HNF4G: variants seen among roughly 807,000 people sequenced by gnomAD.
HNF4G encodes the protein hepatocyte nuclear factor 4-gamma.
Under a neutral mutation model 50.9 loss-of-function variants are expected in HNF4G, and 21 were observed. The ratio of observed to expected loss-of-function variants is 0.41; its 90% CI spans 0.29 to 0.59. The LOEUF (loss-of-function observed/expected upper bound fraction) is 0.59. HNF4G is among the 20% of genes least tolerant of loss of function. HNF4G has a pLI of 0.26. For synonymous variants in HNF4G, 198 were observed against 185.6 expected, an observed-to-expected ratio of 1.07 and a Z score of -0.54; for missense variants, 527 against 559.4, an observed-to-expected ratio of 0.94 and a Z score of 0.58.
chr8:75,444,364 C>G (rs1811368981), intron 1 of HNF4G, among the ~76,000 whole-genome samples: 1 of 151,648 alleles, frequency 6.6e-6, no homozygotes, highest in East Asian at 1.9e-4. Context: ...GAAGAAACTG[C>G]ATCAACTAAC....
chr8:75,429,577 A>G (rs192174519), intron 1 of HNF4G, among the ~76,000 whole-genome samples: 1 of 152,232 alleles, frequency 6.6e-6, no homozygotes, highest in Admixed American at 6.5e-5. Context: ...GTTAATTAAT[A>G]CTCACTTCTC....
chr8:75,547,915 A>G (rs940447137), intron 3 of HNF4G, among the ~76,000 whole-genome samples: 16 of 151,978 alleles, frequency 1.1e-4, no homozygotes, highest in African/African-American at 3.6e-4. Context: ...TCTCTCCACC[A>G]TTACATTGTC....
Position 75,414,212 on chromosome 8 carries a change from G to A in HNF4G, c.-144+6050G>A, listed in dbSNP as rs568429327. On this transcript the variant is annotated intron_variant, in intron 1 of 10. Transcript: ENST00000354370. ...CCAGGCAACCACCGATCTGATTTCC[G>A]TCATTAATGTTGCCTTTTCCAGGAT... 2.3e-4 allele frequency among the ~76,000 whole-genome samples: 35 copies of A among 151,906 alleles called. 1 individual carries two copies. Among genetic ancestry groups the A allele is most frequent in the African/African-American group, 6.8e-4 (28 of 41,410 alleles).
intron 2 of HNF4G, among the ~76,000 whole-genome samples, chr8:75,524,305 T>C (rs1806125511): frequency 6.6e-6 from 1 of 152,160 alleles, no homozygotes. Context: ...TTTCTTTGAA[T>C]TTGGGAGGCA....
At chr8:75,521,685 T>C (rs1806046377) in intron 2 of HNF4G, among the ~76,000 whole-genome samples, 1 of 152,228 alleles carries the variant, frequency 6.6e-6, no homozygotes, top group Non-Finnish European at 1.5e-5. Flanking sequence ...ACTTGATATA[T>C]CTTGTTTCCT....
At chr8:75,465,506 A>T (rs1441360216) in intron 1 of HNF4G, among the ~76,000 whole-genome samples, 1 of 152,176 alleles carries the variant, frequency 6.6e-6, no homozygotes, top group African/African-American at 2.4e-5. Flanking sequence ...TAAACAAATA[A>T]ATAGAACCAA....
rs1042755627 is a variant in HNF4G, at chr8:75,524,966, A to G, written c.-23-18845A>G. ...CCAGTGTGTGTATATTAAAACTTGT[A>G]TTAACCTGTTTCATAAATATGACAG... On this transcript the variant is annotated intron_variant, in intron 2 of 10. Coordinates refer to the HNF4G transcript ENST00000354370. Among the ~76,000 whole-genome samples, 10 of 152,200 alleles carry G rather than the reference A, an allele frequency of 6.6e-5. No individual in the cohort carries two copies. In the South Asian group the frequency reaches 1.0e-3, roughly 16 times the overall value.
intron 1 of HNF4G, among the ~76,000 whole-genome samples, chr8:75,425,431 GTTAAT>G (rs1810871044): frequency 1.3e-5 from 2 of 151,794 alleles, no homozygotes; most frequent in South Asian, 4.2e-4. Flanking sequence ...ACTTCCAGAA[GTTAAT>G]TTAGTGAGTC....
intron 2 of HNF4G, among the ~76,000 whole-genome samples, chr8:75,532,178 T>C (rs1480972949): frequency 6.6e-6 from 1 of 152,064 alleles, no homozygotes; most frequent in Non-Finnish European, 1.5e-5. Context: ...ACATGTTATT[T>C]TGAGAGAAGA....
At chr8:75,457,131 T>G (rs76867913) in intron 1 of HNF4G, among the ~76,000 whole-genome samples, 9,736 of 152,284 alleles carry the variant, frequency 0.064, 348 homozygotes, top group Non-Finnish European at 0.066. Flanking sequence ...GATTCAGTCA[T>G]TTACCAAGCA....
intron 1 of HNF4G, among the ~76,000 whole-genome samples, chr8:75,475,323 A>T (rs11995953): frequency 0.21 from 32,190 of 152,082 alleles, 4,142 homozygotes; most frequent in African/African-American, 0.36. Context: ...ATTATTTTTT[A>T]AAAAAACCAT....
intron 2 of HNF4G, among the ~76,000 whole-genome samples, chr8:75,518,999 A>C (rs1483433064): frequency 2.0e-5 from 3 of 152,106 alleles, no homozygotes; most frequent in Non-Finnish European, 4.4e-5. Flanking sequence ...ATTCCAAACC[A>C]TATCTTTTTG....
intron 1 of HNF4G, among the ~76,000 whole-genome samples, chr8:75,408,636 T>C (rs1263062829): frequency 6.6e-6 from 1 of 152,226 alleles, no homozygotes; most frequent in Non-Finnish European, 1.5e-5. Context: ...AGTTAAGCAA[T>C]AACCGTTCTG....
At chr8:75,454,120 C>T (rs563451536) in intron 1 of HNF4G, among the ~76,000 whole-genome samples, 1 of 148,696 alleles carries the variant, frequency 6.7e-6, no homozygotes, top group East Asian at 2.0e-4. Flanking sequence ...TCTCCCTCTC[C>T]TCCTCTCCCC....
intron 1 of HNF4G, among the ~76,000 whole-genome samples, chr8:75,486,295 A>G (rs1409152361): frequency 6.6e-6 from 1 of 152,172 alleles, no homozygotes; most frequent in Non-Finnish European, 1.5e-5. Flanking sequence ...TGCATGTCTT[A>G]AAGTATAAGT....
intron 1 of HNF4G, among the ~76,000 whole-genome samples, chr8:75,422,850 G>T (rs1361401272): frequency 6.6e-6 from 1 of 152,076 alleles, no homozygotes; most frequent in Non-Finnish European, 1.5e-5. Context: ...TAGCCAGTAT[G>T]TATTATCTAA....
intron 6 of HNF4G, among the ~76,000 whole-genome samples, chr8:75,556,981 A>C (rs1396087844): frequency 6.6e-6 from 1 of 152,168 alleles, no homozygotes; most frequent in African/African-American, 2.4e-5. Context: ...AGACAGAGAA[A>C]GTTTACCAAA....
chr8:75,451,366 T>A (rs1286004422), intron 1 of HNF4G, among the ~76,000 whole-genome samples: 1 of 152,186 alleles, frequency 6.6e-6, no homozygotes, highest in Non-Finnish European at 1.5e-5. Flanking sequence ...GTATTTTTGC[T>A]TTTGTTACCT....
intron 2 of HNF4G, among the ~76,000 whole-genome samples, chr8:75,526,199 G>GCA: frequency 6.6e-6 from 1 of 151,578 alleles, no homozygotes; most frequent in African/African-American, 2.4e-5. Context: ...TATGATCATG[G>GCA]CTCACTGAAA....
Sources: allele counts gnomAD v4.1 joint callset (sites outside exome capture counted in the v4.1 genomes callset), GRCh38; gene constraint gnomAD v4.1.1; transcripts MANE v1.5; gene names NCBI Gene and HGNC (gene_info 2026-07-23, HGNC 2026-07-21).